The following NDST3 variants were observed in gnomAD, a reference collection of about 807,000 sequenced individuals.
NDST3 encodes bifunctional heparan sulfate N-deacetylase/N-sulfotransferase 3.
NDST3 carries 58 observed loss-of-function variants against 96.1 expected under a neutral mutation model. The observed-to-expected ratio is 0.60, with a 90% CI of 0.49 to 0.75. The LOEUF (loss-of-function observed/expected upper bound fraction) is 0.75. Among genes scored for constraint, NDST3 ranks in the 30% least tolerant of loss-of-function variants. The pLI is 0.00. For synonymous variants in NDST3, 333 were observed against 359.7 expected (o/e 0.93, Z 0.84); for missense variants, 788 against 1,034.2 (o/e 0.76, Z 3.27).
intron 4 of NDST3, among the ~76,000 whole-genome samples, chr4:118,137,181 T>C (rs1733174100): frequency 6.6e-6 from 1 of 152,196 alleles, no homozygotes; most frequent in South Asian, 2.1e-4. Flanking sequence ...TAAAAGAACC[T>C]ATTTGAGTGG....
chr4:118,062,963 G>T (rs1170777635), intron 2 of NDST3, among the ~76,000 whole-genome samples: 1 of 152,052 alleles, frequency 6.6e-6, no homozygotes, highest in African/African-American at 2.4e-5. Flanking sequence ...GGCCGAGGTG[G>T]TCAGATGACC....
chr4:118,073,818 C>A (rs1578584276), intron 2 of NDST3, among the ~76,000 whole-genome samples: 1 of 151,810 alleles, frequency 6.6e-6, no homozygotes, highest in East Asian at 1.9e-4. Flanking sequence ...ATTGTTTTTC[C>A]AGTTCATCTA....
At chr4:118,203,640 G>A (rs928935820) in intron 6 of NDST3, among the ~76,000 whole-genome samples, 1 of 152,176 alleles carries the variant, frequency 6.6e-6, no homozygotes, top group Non-Finnish European at 1.5e-5. Flanking sequence ...TTCAAGTGCA[G>A]TGTTGTTTCT....
At chr4:118,105,181 C>T in intron 3 of NDST3, 76 bp downstream of exon 3, 5 of 1,049,822 alleles carry the variant, frequency 4.8e-6, no homozygotes, top group Non-Finnish European at 7.3e-6. Flanking sequence ...TTTTCCTGCC[C>T]ACACTGTCCT....
chr4:118,173,582 C>A (rs757185138), intron 6 of NDST3, among the ~76,000 whole-genome samples: 47 of 151,886 alleles, frequency 3.1e-4, no homozygotes, highest in Non-Finnish European at 6.3e-4. Context: ...AAAAAGCAGC[C>A]CAGGAACTCA....
At chr4:118,234,207 T>C (rs1185182483) in intron 9 of NDST3, among the ~76,000 whole-genome samples, 1 of 150,680 alleles carries the variant, frequency 6.6e-6, no homozygotes, top group Non-Finnish European at 1.5e-5. Context: ...AAGTCAGGAG[T>C]TTGAGACTAG....
intron 1 of NDST3, among the ~76,000 whole-genome samples, chr4:118,045,584 A>T (rs1472517257): frequency 6.6e-6 from 1 of 152,236 alleles, no homozygotes; most frequent in East Asian, 1.9e-4. Flanking sequence ...TACCATAAAT[A>T]TCCTACAATT....
chr4:118,189,169 C>T (rs1737149998), intron 6 of NDST3, among the ~76,000 whole-genome samples: 1 of 152,168 alleles, frequency 6.6e-6, no homozygotes, highest in African/African-American at 2.4e-5. Flanking sequence ...CCCACCCCAG[C>T]TTCCCAAGTA....
At chr4:118,240,739 TTGA>T in intron 11 of NDST3, 45 bp downstream of exon 11, 1 of 1,533,086 alleles carries the variant, frequency 6.5e-7, no homozygotes, top group South Asian at 1.3e-5. Context: ...TCTCATTAAG[TTGA>T]TGACTTTGCC....
rs181639515 is a variant in NDST3 at position 118,123,888 on chromosome 4, T to A, written c.1224+8928T>A. ...TTTTCTTAAAGGTTACAAGTGAAAA[T>A]GAAAATTAAAGCCAAGTATGCTACC... On this transcript the variant is annotated intron_variant, in intron 4 of 13. Transcript: ENST00000296499. Among the ~76,000 whole-genome samples the A allele has an allele frequency of 5.3e-5, 8 of 152,216 alleles. No homozygotes were observed. The East Asian group carries it at 1.5e-3, about 29-fold the overall frequency.
intron 6 of NDST3, chr4:118,193,294 G>GA: frequency 2.7e-6 from 1 of 367,754 alleles, no homozygotes; most frequent in Non-Finnish European, 5.0e-6. Context: ...CAACCAGATA[G>GA]AAAAATAAAG....
chr4:118,100,282 G>A (rs761354962), intron 2 of NDST3, among the ~76,000 whole-genome samples: 1 of 151,796 alleles, frequency 6.6e-6, no homozygotes, highest in Non-Finnish European at 1.5e-5. Context: ...AGACATAGGC[G>A]CTCCTGGCTT....
At chr4:118,104,968 T>A in intron 2 of NDST3, 50 bp from the exon 3 acceptor site, 1 of 1,517,914 alleles carries the variant, frequency 6.6e-7, no homozygotes, top group Non-Finnish European at 9.1e-7. Context: ...TTTTGGAAAC[T>A]TTTTAATGCC....
In NDST3 at chr4:118,240,520, A is replaced by G. The variant is rs1234507300; in HGVS notation, c.2119-4A>G. 6.3e-6 allele frequency: 10 copies of G among 1,587,586 alleles called. No individual in the cohort carries two copies. Among genetic ancestry groups the G allele is most frequent in the Non-Finnish European group, 7.7e-6 (9 of 1,165,820 alleles). On this transcript the variant is annotated splice_region_variant and splice_polypyrimidine_tract_variant and intron_variant, in intron 10 of 13. Coordinates refer to ENST00000296499, the MANE Select transcript of NDST3 (RefSeq NM_004784.3). The stretch of plus-strand genomic sequence containing the variant: ...TAGTTTAATTATCCACCTTTTCATC[A>G]TAGCATCAGCGATCACATGAAGACC...
At chr4:118,055,820 T>C (rs1725392599) in intron 2 of NDST3, among the ~76,000 whole-genome samples, 1 of 151,870 alleles carries the variant, frequency 6.6e-6, no homozygotes, top group Non-Finnish European at 1.5e-5. Flanking sequence ...AAATACATCT[T>C]GAAAACTTTG....
At chr4:118,135,757 G>C (rs568587488) in intron 4 of NDST3, among the ~76,000 whole-genome samples, 1 of 152,240 alleles carries the variant, frequency 6.6e-6, no homozygotes, top group East Asian at 1.9e-4. Flanking sequence ...AGGTGTGCTG[G>C]TGTGCATTTG....
chr4:118,247,188 C>G (rs1741368147), intron 12 of NDST3, among the ~76,000 whole-genome samples: 2 of 132,298 alleles, frequency 1.5e-5, no homozygotes, highest in East Asian at 4.4e-4. Context: ...TTTGTTATAT[C>G]CACACACCAG....
intron 4 of NDST3, among the ~76,000 whole-genome samples, chr4:118,125,568 G>A (rs1008973221): frequency 6.6e-6 from 1 of 152,062 alleles, no homozygotes; most frequent in East Asian, 1.9e-4. Context: ...AAAGAAAATT[G>A]TATATGGGAG....
chr4:118,081,983 T>C (rs1034722726), intron 2 of NDST3, among the ~76,000 whole-genome samples: 1 of 152,210 alleles, frequency 6.6e-6, no homozygotes, highest in African/African-American at 2.4e-5. Flanking sequence ...CAGCACAATG[T>C]ACCTGCCTTT....
Sources: allele counts gnomAD v4.1 joint callset (sites outside exome capture counted in the v4.1 genomes callset), GRCh38; gene constraint gnomAD v4.1.1; transcripts MANE v1.5; gene names NCBI Gene and HGNC (gene_info 2026-07-23, HGNC 2026-07-21).